MPP4: variants seen among roughly 807,000 people sequenced by gnomAD.
The protein encoded by MPP4 is MAGUK p55 scaffold protein 4, also known as MAGUK p55 subfamily member 4.
MPP4 carries 91 observed loss-of-function variants against 98.3 expected under a neutral mutation model. The ratio of observed to expected loss-of-function variants is 0.93; its 90% CI spans 0.78 to 1.10. MPP4 has a LOEUF of 1.10. Ranked by LOEUF, MPP4 falls within the 50% of genes least tolerant of loss-of-function variation. The probability of loss-of-function intolerance (pLI) is 0.00; values close to 1 mark genes in which losing one functional copy is unlikely to be tolerated. For missense variants in MPP4, 744 were observed against 792.9 expected (o/e 0.94, Z 0.74); for synonymous variants, 261 against 271.8 (o/e 0.96, Z 0.39).
chr2:201,681,674 C>T, intron 8 of MPP4, 107 bp from the exon 9 acceptor site: 2 of 797,096 alleles, frequency 2.5e-6, no homozygotes, highest in South Asian at 3.0e-5. Context: ...ATGGTAAAAT[C>T]CCCCAAGAGC....
At chr2:201,657,590 G>GTTTTTTTTT (rs929926346) in intron 16 of MPP4, among the ~76,000 whole-genome samples, 1,900 of 90,380 alleles carry the variant, frequency 0.021, 342 homozygotes, top group Non-Finnish European at 0.028. Context: ...CCTGGCCCTT[G>GTTTTTTTTT]TTTTTTTTTT....
chr2:201,669,797 G>GT (rs745490458), intron 11 of MPP4, 47 bp from the exon 12 acceptor site: 42 of 1,309,362 alleles, frequency 3.2e-5, no homozygotes, highest in Non-Finnish European at 4.0e-5. Context: ...AAAGAACACA[G>GT]TATCTGTACT....
intron 18 of MPP4, chr2:201,651,358 A>G (rs1399433825): frequency 1.0e-6 from 1 of 985,378 alleles, no homozygotes; most frequent in Non-Finnish European, 1.2e-6. Context: ...CACATCTCCC[A>G]TAGCTTCCTA....
intron 18 of MPP4, among the ~76,000 whole-genome samples, chr2:201,653,499 G>T (rs1407727832): frequency 6.6e-6 from 1 of 152,202 alleles, no homozygotes; most frequent in African/African-American, 2.4e-5. Context: ...TACCCTCGAG[G>T]TGTGTGAAGA....
intron 1 of MPP4, chr2:201,698,100 A>G: frequency 1.0e-6 from 1 of 993,794 alleles, no homozygotes; most frequent in African/African-American, 1.7e-5. Flanking sequence ...CAGAAGATGC[A>G]TTAGTGTGAC....
intron 12 of MPP4, 151 bp downstream of exon 12, chr2:201,669,582 T>A: frequency 2.3e-3 from 1 of 426 alleles, no homozygotes. Context: ...ACTAGGTATA[T>A]AGGAAGAGCT....
chr2:201,688,839 A>T (rs1574636181), intron 4 of MPP4, among the ~76,000 whole-genome samples: 2 of 150,788 alleles, frequency 1.3e-5, no homozygotes, highest in African/African-American at 4.9e-5. Context: ...CTGGTCTTGA[A>T]CTCCTGGGCT....
intron 18 of MPP4, chr2:201,651,468 A>G (rs1574598171): frequency 1.0e-6 from 1 of 985,422 alleles, no homozygotes; most frequent in East Asian, 1.1e-4. Flanking sequence ...CACTGGACTA[A>G]TATTTATATG....
At position 201,649,577 on chromosome 2, in the gene MPP4, T is replaced by G; in HGVS notation, c.1583A>C (p.Gln528Pro). The G allele has an allele frequency of 2.5e-6, 4 of 1,596,018 alleles. No homozygotes were observed. Among genetic ancestry groups the G allele is most frequent in the Non-Finnish European group, 3.4e-6 (4 of 1,169,908 alleles). ...ATAAATATTCCACCATGGACCCACC[T>G]GAGGCTCTAGGTCCATGACACAGAT... ...GKICVMDLEPQDIQGVRTHEL... is the reference protein window; with the variant it reads ...GKICVMDLEPPDIQGVRTHEL... Residue 528 changes from glutamine (Q) to proline (P), a missense_variant and splice_region_variant, in exon 20 of 22, where the codon CAG becomes CCG. By Grantham distance (76) the Gln-to-Pro change is moderately conservative (BLOSUM62 -1). Transcript: ENST00000409474.
At chr2:201,680,765 A>C in intron 10 of MPP4, 73 bp downstream of exon 10, 5 of 1,377,108 alleles carry the variant, frequency 3.6e-6, no homozygotes, top group Non-Finnish European at 5.0e-6. Flanking sequence ...ATCTTGAGGT[A>C]ACAGAAACCC....
At chr2:201,681,432 ATAT>A (rs1688663272) in intron 9 of MPP4, 61 bp downstream of exon 9, 1 of 1,269,868 alleles carries the variant, frequency 7.9e-7, no homozygotes, top group Non-Finnish European at 1.1e-6. Context: ...ATTACGCATC[ATAT>A]TTAGTTGCTG....
At chr2:201,694,608 CTTTTTTT>C (rs777556505) in intron 1 of MPP4, among the ~76,000 whole-genome samples, 2,233 of 78,922 alleles carry the variant, frequency 0.028, 34 homozygotes, top group Non-Finnish European at 0.039. Flanking sequence ...TTCTTTTTCC[CTTTTTTT>C]TTTTTTTTTT....
At chr2:201,696,961 T>C (rs1559021865) in intron 1 of MPP4, among the ~76,000 whole-genome samples, 1 of 152,276 alleles carries the variant, frequency 6.6e-6, no homozygotes, top group East Asian at 1.9e-4. Flanking sequence ...CCACCCCCAA[T>C]TCAGATGTTG....
At position 201,647,719 on chromosome 2, in the gene MPP4, G is replaced by A. The variant is rs1197871344; in HGVS notation, c.1691C>T (p.Thr564Ile). The A allele has an allele frequency of 1.2e-6, 2 of 1,613,884 alleles. No homozygotes were observed. The highest frequency in any genetic ancestry group is 1.7e-6 in the Non-Finnish European group (2 of 1,179,832). ...GAACTTCATGTCCACATAGTAGTCA[G>A]TAATAACCTTGGCATTTTTCCGAGA... The part of the protein sequence containing the change: ...KQSRKNAKVI[T>I]DYYVDMKFKD... The change falls in exon 21 of 22, where the codon ACT becomes ATT. Residue 564 changes from threonine (T) to isoleucine (I), a missense_variant. Physicochemically the swap from Thr to Ile is moderately conservative, Grantham distance 89. Coordinates refer to ENST00000409474, the MANE Select transcript of MPP4 (RefSeq NM_033066.3).
At chr2:201,663,978 A>G (rs1688094377) in intron 14 of MPP4, 103 bp downstream of exon 14, 2 of 770,022 alleles carry the variant, frequency 2.6e-6, no homozygotes, top group African/African-American at 3.6e-5. Context: ...TAATTTTTTA[A>G]TGTTGATATA....
intron 10 of MPP4, chr2:201,679,982 C>G (rs905871390): frequency 1.3e-5 from 2 of 152,226 alleles, no homozygotes; most frequent in African/African-American, 4.8e-5. Flanking sequence ...GGTGATATAG[C>G]TGATGAGGAC....
At position 201,686,062 on chromosome 2, in the gene MPP4, G is replaced by T; in HGVS notation, c.361-12C>A. 6.2e-7 allele frequency: 1 copy of T among 1,609,588 alleles called. No individual in the cohort carries two copies. Among genetic ancestry groups the T allele is most frequent in the Non-Finnish European group, 8.5e-7 (1 of 1,176,588 alleles). On this transcript the variant is annotated splice_polypyrimidine_tract_variant and intron_variant, in intron 5 of 21. Transcript: ENST00000409474. ...GCACTGAGCAAGGCCTGGGCACAGG[G>T]AAGGAAAAGGTGAGCAAATGTCACA... is the stretch of plus-strand genomic sequence containing the variant.
rs528898348 is a variant in MPP4 at position 201,654,083 on chromosome 2, T to C, written c.1381+754A>G. Among the ~76,000 whole-genome samples the C allele has an allele frequency of 3.9e-5, 6 of 152,178 alleles. No homozygotes were observed. The East Asian group carries it at 1.2e-3, about 29-fold the overall frequency. On this transcript the variant is annotated intron_variant, in intron 18 of 21. Transcript: ENST00000409474. ...CCTCCGCCTCCCAGGTTTAAGCGAT[T>C]ATCTGTCTCAGCCTCCTGAGTAGCT...
intron 15 of MPP4, among the ~76,000 whole-genome samples, chr2:201,659,123 T>C (rs1687945841): frequency 6.6e-6 from 1 of 152,186 alleles, no homozygotes; most frequent in South Asian, 2.1e-4. Flanking sequence ...CTTGAACTCC[T>C]GACCTCAGGT....
Sources: allele counts gnomAD v4.1 joint callset (sites outside exome capture counted in the v4.1 genomes callset), GRCh38; gene constraint gnomAD v4.1.1; transcripts MANE v1.5; gene names NCBI Gene and HGNC (gene_info 2026-07-23, HGNC 2026-07-21).